Variants in ZNF536 observed in about 807,000 individuals in gnomAD.
ZNF536 encodes the protein zinc finger protein 536.
Under a neutral mutation model 84.5 loss-of-function variants are expected in ZNF536, and 13 were observed. The ratio of observed to expected loss-of-function variants is 0.15; its 90% CI spans 0.10 to 0.24. The LOEUF is 0.24. Ranked by LOEUF, ZNF536 falls within the 10% of genes least tolerant of loss-of-function variation. The pLI, the probability that ZNF536 is intolerant of heterozygous loss-of-function variation, is 1.00. For missense variants in ZNF536, 1,536 were observed against 1,747.5 expected, an observed-to-expected ratio of 0.88 and a Z score of 2.16; for synonymous variants, 811 against 742.5, an observed-to-expected ratio of 1.09 and a Z score of -1.50.
In ZNF536 at chr19:30,549,246, G is replaced by A. The variant is rs2045680386; in HGVS notation, c.3627G>A (p.Leu1209=). 5.0e-6 allele frequency: 8 copies of A among 1,613,994 alleles called. No homozygotes were observed. The highest frequency in any genetic ancestry group is 6.8e-6 in the Non-Finnish European group (8 of 1,180,052). Residue 1209 remains leucine, a synonymous_variant, in exon 4 of 5, where the codon CTG becomes CTA. Coordinates refer to ENST00000355537, the MANE Select transcript of ZNF536 (RefSeq NM_014717.3). ...GCAGCAGCGATGGCGGGGACAGCCT[G>A]CAGCCCACAGGCACCTCCCAGCCCG... ...KDSSSDGGDS[L]QPTGTSQPVQ...
chr19:30,363,343 C>T (rs1358960852), intron 3 of ZNF536, among the ~76,000 whole-genome samples: 2 of 152,148 alleles, frequency 1.3e-5, no homozygotes, highest in Admixed American at 1.3e-4. Flanking sequence ...CTTGAGTTTT[C>T]TCAGGAGGCA....
intron 1 of ZNF536, among the ~76,000 whole-genome samples, chr19:30,254,595 A>G (rs1838404978): frequency 6.6e-6 from 1 of 151,770 alleles, no homozygotes; most frequent in Non-Finnish European, 1.5e-5. Context: ...TGAAAAAAAA[A>G]AAAAAAATCA....
chr19:30,696,673 G>A (rs910706187), intron 1 of ZNF536, among the ~76,000 whole-genome samples: 53 of 152,156 alleles, frequency 3.5e-4, no homozygotes, highest in Admixed American at 2.7e-3. Flanking sequence ...GCGCAATGGC[G>A]GGGGATGAAG....
At chr19:30,395,188 A>G (rs2049764449) in intron 1 of ZNF536, among the ~76,000 whole-genome samples, 1 of 152,246 alleles carries the variant, frequency 6.6e-6, no homozygotes, top group Non-Finnish European at 1.5e-5. Context: ...GATTAATGAA[A>G]AGTGATAAAA....
At chr19:30,412,888 G>A (rs983990447) in intron 1 of ZNF536, among the ~76,000 whole-genome samples, 14 of 151,580 alleles carry the variant, frequency 9.2e-5, no homozygotes, top group African/African-American at 1.2e-4. Context: ...GTAAATGTTC[G>A]TTATCCTTAA....
chr19:30,309,046 C>G (rs924246520), intron 2 of ZNF536, among the ~76,000 whole-genome samples: 2 of 152,086 alleles, frequency 1.3e-5, no homozygotes, highest in East Asian at 1.9e-4. Context: ...CTTTCCCACC[C>G]TGGTCTAGGA....
At chr19:30,657,705 G>A (rs963066928) in intron 1 of ZNF536, among the ~76,000 whole-genome samples, 1 of 152,210 alleles carries the variant, frequency 6.6e-6, no homozygotes, top group African/African-American at 2.4e-5. Flanking sequence ...CTTCTCTGAT[G>A]TTCTCTTTGA....
chr19:30,690,711 A>G (rs920605390), intron 1 of ZNF536, among the ~76,000 whole-genome samples: 1 of 152,120 alleles, frequency 6.6e-6, no homozygotes, highest in Non-Finnish European at 1.5e-5. Flanking sequence ...ACCCAGGCAC[A>G]TGACTGTCTT....
chr19:30,293,435 G>T (rs1053751221), intron 2 of ZNF536, among the ~76,000 whole-genome samples: 8 of 152,176 alleles, frequency 5.3e-5, no homozygotes, highest in Non-Finnish European at 8.8e-5. Flanking sequence ...GATGTTGGGG[G>T]CTGCAGGAAA....
chr19:30,249,119 C>A (rs900122818), intron 1 of ZNF536, among the ~76,000 whole-genome samples: 2 of 152,086 alleles, frequency 1.3e-5, no homozygotes, highest in Non-Finnish European at 2.9e-5. Context: ...ATGGCTTTTG[C>A]TTTTGAGTTT....
chr19:30,512,655 A>C (rs1407743405), intron 2 of ZNF536, among the ~76,000 whole-genome samples: 1 of 152,144 alleles, frequency 6.6e-6, no homozygotes, highest in Non-Finnish European at 1.5e-5. Context: ...GCATCTGTAC[A>C]TTGGCTACAT....
intron 1 of ZNF536, among the ~76,000 whole-genome samples, chr19:30,398,526 C>T (rs542837632): frequency 6.2e-4 from 94 of 152,220 alleles, no homozygotes; most frequent in African/African-American, 2.1e-3. Flanking sequence ...TCTCCTAATG[C>T]TATCCCTCCC....
At chr19:30,675,689 C>T (rs111523946) in intron 1 of ZNF536, among the ~76,000 whole-genome samples, 3 of 152,300 alleles carry the variant, frequency 2.0e-5, no homozygotes, top group African/African-American at 7.2e-5. Flanking sequence ...ACTCTGATTT[C>T]TCTGTCTCCT....
intron 1 of ZNF536, among the ~76,000 whole-genome samples, chr19:30,709,542 G>A (rs1157850425): frequency 3.3e-5 from 5 of 152,216 alleles, no homozygotes; most frequent in African/African-American, 1.2e-4. Flanking sequence ...CCAGATGGAA[G>A]GATTTATGGT....
At chr19:30,229,603 G>T (rs866989208) in intron 1 of ZNF536, among the ~76,000 whole-genome samples, 3 of 152,166 alleles carry the variant, frequency 2.0e-5, no homozygotes, top group Non-Finnish European at 2.9e-5. Context: ...CCAGGGAGTC[G>T]CAGGGGGTCG....
intron 2 of ZNF536, among the ~76,000 whole-genome samples, chr19:30,481,161 A>G (rs1298570399): frequency 2.0e-5 from 3 of 152,232 alleles, no homozygotes; most frequent in Non-Finnish European, 4.4e-5. Context: ...TTCCCTAAGA[A>G]CATGTTCCTT....
intron 2 of ZNF536, among the ~76,000 whole-genome samples, chr19:30,484,488 G>C (rs911121073): frequency 2.7e-5 from 4 of 146,252 alleles, no homozygotes; most frequent in Non-Finnish European, 6.0e-5. Flanking sequence ...TGCCCACCTT[G>C]GCCTCCCAAA....
At chr19:30,706,318 A>G (rs1486143292) in intron 1 of ZNF536, among the ~76,000 whole-genome samples, 2 of 152,090 alleles carry the variant, frequency 1.3e-5, no homozygotes, top group Non-Finnish European at 1.5e-5. Flanking sequence ...CCCCGTCTCT[A>G]CTAAAAAAAA....
Position 30,443,764 on chromosome 19 carries a change from G to A in ZNF536, c.202G>A (p.Ala68Thr), listed in dbSNP as rs1184009087. ...EKPPASLEEK[A>T]HVPMSGQPMG... ...GCCCCCCGCATCCCTGGAGGAGAAG[G>A]CCCACGTGCCCATGAGCGGCCAGCC... The change falls in exon 2 of 5, where the codon GCC (alanine) becomes ACC (threonine). Residue 68 changes from alanine to threonine, a missense_variant. Coordinates refer to ENST00000355537, the MANE Select transcript of ZNF536 (RefSeq NM_014717.3). 1 of 1,612,840 alleles carries A rather than the reference G, an allele frequency of 6.2e-7. No homozygotes were observed. Among genetic ancestry groups the A allele is most frequent in the Middle Eastern group, 1.7e-4 (1 of 6,056 alleles).
Sources: gnomAD v4.1 joint callset for allele counts (sites outside exome capture counted in the v4.1 genomes callset) on GRCh38, gnomAD v4.1.1 for gene constraint, MANE v1.5 for transcripts, NCBI Gene and HGNC (gene_info 2026-07-23, HGNC 2026-07-21) for gene names.